Variants in DLG1 observed in about 807,000 individuals in gnomAD.
The protein encoded by DLG1 is disks large homolog 1.
DLG1 carries 42 observed loss-of-function variants against 123.4 expected under a neutral mutation model. The observed-to-expected ratio is 0.34, with a 90% CI of 0.27 to 0.44. The LOEUF is 0.44. Among genes scored for constraint, DLG1 ranks in the 20% least tolerant of loss-of-function variants. DLG1 has a pLI of 1.00. For synonymous variants in DLG1, 317 were observed against 356.2 expected, an observed-to-expected ratio of 0.89 and a Z score of 1.24; for missense variants, 942 against 1,082.6, an observed-to-expected ratio of 0.87 and a Z score of 1.82.
At chr3:197,299,164 G>C (rs1043694433), upstream of DLG1, 3 of 152,262 alleles carry the variant, frequency 2.0e-5, no homozygotes, top group Non-Finnish European at 2.9e-5. Context: ...GAGCCACCCA[G>C]GTTATAGAAG....
intron 4 of DLG1, among the ~76,000 whole-genome samples, chr3:197,205,088 A>G (rs1338333722): frequency 6.6e-6 from 1 of 152,240 alleles, no homozygotes; most frequent in African/African-American, 2.4e-5. Flanking sequence ...CAACCTTCAT[A>G]TGATAAAGCT....
At chr3:197,150,150 G>T (rs1793151689) in intron 5 of DLG1, among the ~76,000 whole-genome samples, 1 of 151,662 alleles carries the variant, frequency 6.6e-6, no homozygotes, top group Non-Finnish European at 1.5e-5. Context: ...TCTTCCCAAA[G>T]ATACAGTAAA....
chr3:197,266,525 A>C (rs1249918272), intron 4 of DLG1, among the ~76,000 whole-genome samples: 1 of 152,074 alleles, frequency 6.6e-6, no homozygotes, highest in African/African-American at 2.4e-5. Context: ...AGGCAGCAGG[A>C]CTGCTTGAAG....
At chr3:197,279,585 G>A (rs968557543) in intron 4 of DLG1, among the ~76,000 whole-genome samples, 4 of 152,062 alleles carry the variant, frequency 2.6e-5, no homozygotes, top group Non-Finnish European at 1.5e-5. Flanking sequence ...AAGATCTGAC[G>A]CTCACAATAT....
At chr3:197,193,109 T>C (rs1389302004) in intron 5 of DLG1, among the ~76,000 whole-genome samples, 1 of 152,042 alleles carries the variant, frequency 6.6e-6, no homozygotes, top group African/African-American at 2.4e-5. Context: ...TCCAGGTAAA[T>C]TTTACTAGTA....
intron 4 of DLG1, among the ~76,000 whole-genome samples, chr3:197,248,091 G>C (rs547346529): frequency 1.3e-5 from 2 of 152,294 alleles, no homozygotes; most frequent in East Asian, 3.9e-4. Flanking sequence ...TAATGTGCCT[G>C]AATCTCATTC....
At chr3:197,112,311 T>C (rs1770518266) in intron 13 of DLG1, among the ~76,000 whole-genome samples, 1 of 152,174 alleles carries the variant, frequency 6.6e-6, no homozygotes, top group Non-Finnish European at 1.5e-5. Context: ...TATAGAACAA[T>C]TACATCACTC....
intron 14 of DLG1, among the ~76,000 whole-genome samples, chr3:197,104,677 C>A (rs1198327806): frequency 2.0e-5 from 3 of 151,470 alleles, no homozygotes; most frequent in African/African-American, 7.3e-5. Context: ...AGTGGAACCC[C>A]GTCTCAACAA....
chr3:197,092,029 A>C (rs913349472), intron 14 of DLG1, among the ~76,000 whole-genome samples: 1 of 152,202 alleles, frequency 6.6e-6, no homozygotes, highest in African/African-American at 2.4e-5. Flanking sequence ...TTAATAATAA[A>C]ATATTTTACT....
intron 5 of DLG1, among the ~76,000 whole-genome samples, chr3:197,154,860 T>C (rs1257169794): frequency 3.3e-5 from 5 of 151,784 alleles, no homozygotes; most frequent in African/African-American, 1.2e-4. Context: ...GAACATGAGA[T>C]AGGACAAGGG....
intron 5 of DLG1, among the ~76,000 whole-genome samples, chr3:197,180,073 G>T (rs1292565957): frequency 7.3e-6 from 1 of 137,574 alleles, no homozygotes; most frequent in African/African-American, 2.6e-5. Context: ...TTTTTGGGGG[G>T]GGGGGGGCTT....
chr3:197,063,928 ATT>A lies in DLG1; in HGVS notation c.2373+1346_2373+1347del, dbSNP rs34773162. On this transcript the variant is annotated intron_variant, in intron 22 of 24. Transcript: ENST00000667157. ...ATTTAGAGTAGTCTTCTTAATTTAC[ATT>A]TTTTTTTTTTTTTTTTGAGATGGAG... Among the ~76,000 whole-genome samples the A allele has an allele frequency of 2.3e-3, 304 of 132,316 alleles. 3 individuals are homozygous for A. The highest frequency in any genetic ancestry group is 3.0e-3 in the African/African-American group (104 of 35,226). 86.8% of individuals were successfully genotyped at this position (132,316 alleles called of 152,430 possible).
At chr3:197,183,689 C>T (rs1247728835) in intron 5 of DLG1, 31 of 1,550,526 alleles carry the variant, frequency 2.0e-5, no homozygotes, top group East Asian at 1.2e-4. Context: ...GTTCATCTGA[C>T]GAGCCCTTTT....
chr3:197,127,958 T>C (rs1364178373), intron 11 of DLG1, among the ~76,000 whole-genome samples: 1 of 152,156 alleles, frequency 6.6e-6, no homozygotes, highest in Admixed American at 6.5e-5. Flanking sequence ...CAGCAAGTTA[T>C]AATGTTTTTG....
At position 197,076,801 on chromosome 3, in the gene DLG1, A is replaced by G. The variant is rs1471805846; in HGVS notation, c.1906-116T>C. 3 of 534,550 alleles carry G rather than the reference A, an allele frequency of 5.6e-6. No individual in the cohort carries two copies. The African/African-American group carries it at 5.9e-5, about 11-fold the overall frequency. The allele number at this position is 534,550 out of a possible 1,614,324, so 33.1% of individuals were successfully genotyped here. A position where few individuals can be genotyped will look rare whatever the true frequency, so the allele number is the denominator to read the frequency against. ...TATGACCACAGTGTGCAGTTTGTAT[A>G]TGATTTTTACTTTAATCTCATATAA... On this transcript the variant is annotated intron_variant, in intron 17 of 24. Coordinates refer to ENST00000667157, the MANE Select transcript of DLG1 (RefSeq NM_001366207.1).
intron 14 of DLG1, among the ~76,000 whole-genome samples, chr3:197,102,456 T>C (rs1764013541): frequency 6.6e-6 from 1 of 152,232 alleles, no homozygotes; most frequent in East Asian, 1.9e-4. Context: ...TGACTCCTTT[T>C]GTACTTCTTA....
Position 197,066,717 on chromosome 3 carries a change from C to G in DLG1, c.2085G>C (p.Val695=). 1 of 1,604,788 alleles carries G rather than the reference C, an allele frequency of 6.2e-7. No homozygotes were observed. The highest frequency in any genetic ancestry group is 1.3e-5 in the African/African-American group (1 of 74,750). The change falls in exon 20 of 25, where the codon GTG becomes GTC. Residue 695 remains valine, a synonymous_variant. Transcript: ENST00000667157. ...GGCTTCACAAACCTTCTTGTTGATT[C>G]ACTGGTTCATAAGATAAGACGTATT... The part of the protein sequence containing the change: ...QEEYVLSYEP[V]NQQEVNYTRP...
In DLG1 at chr3:197,092,269, C is replaced by T. The variant is rs1410966653; in HGVS notation, c.1547-1243G>A. Among the ~76,000 whole-genome samples the T allele has an allele frequency of 3.3e-5, 5 of 152,092 alleles. No homozygotes were observed. In the East Asian group the frequency reaches 9.6e-4, roughly 29 times the overall value. On this transcript the variant is annotated intron_variant, in intron 14 of 24. Transcript: ENST00000667157. Reference sequence around the variant, plus strand: ...CCACTGGGTTTTTACTTAAGCTCTCCTATTTTAGCGTTGTATCTGCTTTCT... The same window carrying T: ...CCACTGGGTTTTTACTTAAGCTCTCTTATTTTAGCGTTGTATCTGCTTTCT...
intron 4 of DLG1, among the ~76,000 whole-genome samples, chr3:197,274,132 A>C (rs1179302902): frequency 6.6e-6 from 1 of 152,126 alleles, no homozygotes; most frequent in Admixed American, 6.6e-5. Flanking sequence ...ATCATAAAAC[A>C]CTCCGAATAC....
Sources: gnomAD v4.1 joint callset for allele counts (sites outside exome capture counted in the v4.1 genomes callset) on GRCh38, gnomAD v4.1.1 for gene constraint, MANE v1.5 for transcripts, NCBI Gene and HGNC (gene_info 2026-07-23, HGNC 2026-07-21) for gene names.